Variants in RASGEF1A observed in about 807,000 individuals in gnomAD.
RASGEF1A encodes RasGEF domain family member 1A.
In RASGEF1A, 18 loss-of-function variants were observed where a neutral mutation model predicts 56.4. The observed-to-expected ratio is 0.32, with a 90% confidence interval of 0.22 to 0.47. The LOEUF is 0.47. Among genes scored for constraint, RASGEF1A ranks in the 20% least tolerant of loss-of-function variants. RASGEF1A has a pLI of 1.00. For synonymous variants in RASGEF1A, 245 were observed against 242.6 expected, an observed-to-expected ratio of 1.01 and a Z score of -0.09; for missense variants, 422 against 627.1, an observed-to-expected ratio of 0.67 and a Z score of 3.49.
chr10:43,245,631 G>A lies in RASGEF1A; in HGVS notation c.-7+21214C>T, dbSNP rs149925726. ...ATGTAAGGTTAGATCAACATACAAA[G>A]ATCAATGTAATATACCATATCCATA... On this transcript the variant is annotated intron_variant, in intron 1 of 12. Coordinates refer to ENST00000395810, the MANE Select transcript of RASGEF1A (RefSeq NM_145313.4). Among the ~76,000 whole-genome samples, 658 of 152,174 alleles carry A rather than the reference G, an allele frequency of 4.3e-3. 3 individuals carry two copies. The highest frequency in any genetic ancestry group is 0.012 in the Admixed American group (186 of 15,282).
At position 43,195,044 on chromosome 10, in the gene RASGEF1A, T is replaced by C. The variant is rs566793022; in HGVS notation, c.*1200A>G. On this transcript the variant is annotated 3_prime_UTR_variant, in exon 13 of 13. Transcript: ENST00000395810. The surrounding 1 kb of genome is among the most constrained non-coding windows in gnomAD (Gnocchi z 4.2). Reference sequence around the variant, plus strand: ...GACCTGGCCCATCCTCACCCAGGCTTCCCCATTGATCAAGGCTCCTGCGGA... The same window carrying C: ...GACCTGGCCCATCCTCACCCAGGCTCCCCCATTGATCAAGGCTCCTGCGGA... The C allele has an allele frequency of 4.0e-5, 6 of 151,252 alleles. No individual in the cohort carries two copies. Among genetic ancestry groups the C allele is most frequent in the African/African-American group, 1.5e-4 (6 of 41,038 alleles). The allele number at this position is 151,252 out of a possible 1,614,324, so 9.4% of individuals were successfully genotyped here.
Position 43,243,598 on chromosome 10 carries a change from C to A in RASGEF1A, c.-7+23247G>T, listed in dbSNP as rs55859570. ...AGGGGCGCCTCTGCCTGGCCGCTGC[C>A]CCATCTGGGAGGTGAGGGGCGTCTC... On this transcript the variant is annotated intron_variant, in intron 1 of 12. Transcript: ENST00000395810. 1.7e-3 allele frequency among the ~76,000 whole-genome samples: 249 copies of A among 142,534 alleles called. No homozygotes were observed. The Middle Eastern group carries it at 0.02, about 11-fold the overall frequency. The allele number at this position is 142,534 out of a possible 152,430, so 93.5% of individuals were successfully genotyped here. A position where few individuals can be genotyped will look rare whatever the true frequency, so the allele number is the denominator to read the frequency against.
At chr10:43,251,879 G>A (rs1473515213) in intron 1 of RASGEF1A, among the ~76,000 whole-genome samples, 1 of 152,226 alleles carries the variant, frequency 6.6e-6, no homozygotes, top group Non-Finnish European at 1.5e-5. Context: ...TCTCCTTGCT[G>A]TTGTCAGGTT....
intron 1 of RASGEF1A, among the ~76,000 whole-genome samples, chr10:43,237,104 A>G (rs1293389397): frequency 6.6e-6 from 1 of 151,874 alleles, no homozygotes; most frequent in Non-Finnish European, 1.5e-5. Context: ...CTAACCTTGC[A>G]GGGAATCTTG....
intron 1 of RASGEF1A, among the ~76,000 whole-genome samples, chr10:43,255,553 A>G (rs185232710): frequency 1.3e-5 from 2 of 152,350 alleles, no homozygotes; most frequent in Non-Finnish European, 2.9e-5. Flanking sequence ...CAGGACAGGA[A>G]CATCACAGCT....
chr10:43,264,219 C>G (rs1588955581), intron 1 of RASGEF1A, among the ~76,000 whole-genome samples: 2 of 151,876 alleles, frequency 1.3e-5, no homozygotes, highest in Middle Eastern at 3.4e-3. Flanking sequence ...GCATGGGTTC[C>G]TGGCAGCTCG....
intron 1 of RASGEF1A, among the ~76,000 whole-genome samples, chr10:43,239,019 G>A (rs1840471631): frequency 1.3e-5 from 2 of 152,202 alleles, no homozygotes; most frequent in South Asian, 2.1e-4. Context: ...TCTAATCAGT[G>A]GTGCCTGGAA....
intron 1 of RASGEF1A, among the ~76,000 whole-genome samples, chr10:43,223,409 C>T (rs937267990): frequency 1.3e-5 from 2 of 152,184 alleles, no homozygotes; most frequent in African/African-American, 4.8e-5. Flanking sequence ...GTTAAAGATT[C>T]AAATTCCAAT....
At chr10:43,232,755 G>A (rs1342835036) in intron 1 of RASGEF1A, among the ~76,000 whole-genome samples, 1 of 152,248 alleles carries the variant, frequency 6.6e-6, no homozygotes, top group East Asian at 1.9e-4. Context: ...CCAAAGTGCT[G>A]GGATTACAGG....
chr10:43,202,004 C>A, intron 3 of RASGEF1A, 59 bp from the exon 4 acceptor site: 1 of 1,490,584 alleles, frequency 6.7e-7, no homozygotes, highest in Non-Finnish European at 9.0e-7. Flanking sequence ...TACTAGATGG[C>A]AAATGGTGCA....
intron 1 of RASGEF1A, among the ~76,000 whole-genome samples, chr10:43,213,258 T>A (rs992211594): frequency 6.6e-6 from 1 of 152,190 alleles, no homozygotes; most frequent in African/African-American, 2.4e-5. Context: ...AAATTACAAA[T>A]GCTCAAGATG....
Position 43,199,169 on chromosome 10 carries a change from C to T in RASGEF1A, c.875G>A (p.Arg292His), listed in dbSNP as rs183373682. 9.3e-6 allele frequency: 15 copies of T among 1,612,044 alleles called. No homozygotes were observed. Among genetic ancestry groups the T allele is most frequent in the African/African-American group, 4.0e-5 (3 of 75,024 alleles). Reference protein sequence around the residue: ...CRVVKKKHRTRMLEFFIDVAR... With the variant: ...CRVVKKKHRTHMLEFFIDVAR... ...CACATCAATGAAGAACTCCAACATG[C>T]GGGTCCGGTGTTTCTTCTTCACCAC... is the stretch of plus-strand genomic sequence containing the variant. The change falls in exon 8 of 13, where the codon CGC becomes CAC. Residue 292 changes from arginine to histidine, a missense_variant. Arg to His is a conservative substitution (Grantham distance 29). Coordinates refer to ENST00000395810, the MANE Select transcript of RASGEF1A (RefSeq NM_145313.4).
At chr10:43,221,387 C>T (rs960388410) in intron 1 of RASGEF1A, among the ~76,000 whole-genome samples, 8 of 152,208 alleles carry the variant, frequency 5.3e-5, no homozygotes, top group Admixed American at 2.0e-4. Flanking sequence ...CAGACACAGC[C>T]GTCTCCATGC....
chr10:43,207,801 A>C, intron 1 of RASGEF1A: 1 of 712,444 alleles, frequency 1.4e-6, no homozygotes, highest in Non-Finnish European at 1.7e-6. Context: ...CGCGCTCTCC[A>C]CTCCAGCCCA....
intron 1 of RASGEF1A, among the ~76,000 whole-genome samples, chr10:43,255,395 G>A (rs974576529): frequency 1.3e-5 from 2 of 152,014 alleles, no homozygotes; most frequent in African/African-American, 2.4e-5. Flanking sequence ...TGAGAGAGCT[G>A]ACCACTGTCC....
chr10:43,200,995 GC>G, intron 4 of RASGEF1A, 107 bp from the exon 5 acceptor site: 1 of 988,610 alleles, frequency 1.0e-6, no homozygotes, highest in Non-Finnish European at 1.5e-6. Context: ...ACCAACGTGA[GC>G]CCACAGCCCC....
At chr10:43,207,170 C>T (rs1266080064) in intron 1 of RASGEF1A, 16 of 985,364 alleles carry the variant, frequency 1.6e-5, no homozygotes, top group Non-Finnish European at 1.8e-5. Context: ...GCACACAGAG[C>T]CAGCCTCAAC....
At position 43,196,310 on chromosome 10, in the gene RASGEF1A, G is replaced by A; in HGVS notation, c.1422-42C>T. 1 of 1,610,528 alleles carries A rather than the reference G, an allele frequency of 6.2e-7. No homozygotes were observed. The highest frequency in any genetic ancestry group is 8.5e-7 in the Non-Finnish European group (1 of 1,177,496). ...CAAGCAGTGCTCAGGCCCGAGCAGG[G>A]CGGCTTGGGTCCAAGCCATCCTCAG... On this transcript the variant is annotated intron_variant, in intron 12 of 12. Coordinates refer to ENST00000395810, the MANE Select transcript of RASGEF1A (RefSeq NM_145313.4). The surrounding 1 kb of genome is among the most constrained non-coding windows in gnomAD (Gnocchi z 4.6).
At chr10:43,247,029 G>A (rs1840573570) in intron 1 of RASGEF1A, among the ~76,000 whole-genome samples, 1 of 152,180 alleles carries the variant, frequency 6.6e-6, no homozygotes, top group East Asian at 1.9e-4. Flanking sequence ...ATATGTTATA[G>A]GGTCTAGTAT....
Sources: allele counts gnomAD v4.1 joint callset (sites outside exome capture counted in the v4.1 genomes callset), GRCh38; gene constraint gnomAD v4.1.1; non-coding constraint Gnocchi (gnomAD v3.1); transcripts MANE v1.5; gene names NCBI Gene and HGNC (gene_info 2026-07-23, HGNC 2026-07-21).